ROBO2: variants seen among roughly 807,000 people sequenced by gnomAD.
ROBO2 encodes the protein roundabout homolog 2.
A neutral mutation model predicts 160.8 loss-of-function variants in ROBO2; 53 were observed. The ratio of observed to expected loss-of-function variants is 0.33; its 90% confidence interval spans 0.26 to 0.41. The LOEUF (loss-of-function observed/expected upper bound fraction) is 0.41. Among genes scored for constraint, ROBO2 ranks in the 10% least tolerant of loss-of-function variants. ROBO2 has a pLI of 1.00. For missense variants in ROBO2, 1,577 were observed against 1,722.4 expected (o/e 0.92, Z 1.49); for synonymous variants, 664 against 611.7 (o/e 1.09, Z -1.26).
chr3:76,944,410 A>G (rs1254192880), intron 2 of ROBO2, among the ~76,000 whole-genome samples: 3 of 152,108 alleles, frequency 2.0e-5, no homozygotes, highest in East Asian at 1.9e-4. Flanking sequence ...ATAAAACACA[A>G]TTTTCTTGGC....
intron 2 of ROBO2, among the ~76,000 whole-genome samples, chr3:77,295,200 A>G (rs1222244081): frequency 1.4e-5 from 2 of 147,560 alleles, no homozygotes; most frequent in Non-Finnish European, 3.0e-5. Flanking sequence ...ATAAAGTAAA[A>G]TTGACGATTA....
intron 2 of ROBO2, among the ~76,000 whole-genome samples, chr3:76,209,794 G>A (rs539017337): frequency 6.6e-6 from 1 of 152,226 alleles, no homozygotes; most frequent in Admixed American, 6.6e-5. Flanking sequence ...AATAAACATG[G>A]TCAACAATGA....
chr3:77,407,500 T>C (rs2076347104), intron 2 of ROBO2, among the ~76,000 whole-genome samples: 3 of 152,188 alleles, frequency 2.0e-5, no homozygotes, highest in Non-Finnish European at 4.4e-5. Context: ...ATTTGATCTT[T>C]TGGAGGAGTT....
chr3:76,309,394 G>T (rs1420367959), intron 2 of ROBO2, among the ~76,000 whole-genome samples: 8 of 152,118 alleles, frequency 5.3e-5, no homozygotes, highest in African/African-American at 1.9e-4. Context: ...TGAATACAGG[G>T]TGATTATTGT....
intron 2 of ROBO2, among the ~76,000 whole-genome samples, chr3:76,544,940 G>A (rs139639562): frequency 3.2e-4 from 49 of 151,984 alleles, no homozygotes; most frequent in Admixed American, 1.3e-3. Context: ...ACTCCTATAC[G>A]CAATTGCACA....
chr3:77,497,350 T>A (rs2086930130), intron 5 of ROBO2, among the ~76,000 whole-genome samples: 1 of 152,258 alleles, frequency 6.6e-6, no homozygotes, highest in Non-Finnish European at 1.5e-5. Flanking sequence ...TTATAGTTTA[T>A]AATGATTATG....
chr3:75,943,005 T>TA (rs2107098168), intron 2 of ROBO2, among the ~76,000 whole-genome samples: 1 of 18,404 alleles, frequency 5.4e-5, no homozygotes. Flanking sequence ...AGTGCTTCCT[T>TA]AAAAAATTAT....
In ROBO2 at chr3:76,185,936, A is replaced by ATTTTTT. The variant is rs11369944; in HGVS notation, c.109+248344_109+248349dup. On this transcript the variant is annotated intron_variant, in intron 2 of 26. Transcript: ENST00000487694. ...TCATTTCTCATTAAAGGAAACACAG[A>ATTTTTT]TTTTTTTTTTTTTTTGAGACAGGGT... 5.7e-4 allele frequency among the ~76,000 whole-genome samples: 82 copies of ATTTTTT among 143,752 alleles called. 2 individuals carry two copies. The highest frequency in any genetic ancestry group is 3.6e-3 in the Middle Eastern group (1 of 278). 94.3% of individuals were successfully genotyped at this position (143,752 alleles called of 152,430 possible). A position where few individuals can be genotyped will look rare whatever the true frequency, so the allele number is the denominator to read the frequency against.
At position 76,042,534 on chromosome 3, in the gene ROBO2, T is replaced by C. The variant is rs541333959; in HGVS notation, c.109+104932T>C. Reference sequence around the variant, plus strand: ...AAAATTTAGATTTGTTGCAATCTTATTTTTACCCTTGAGGGAAGAGAGACC... The same window carrying C: ...AAAATTTAGATTTGTTGCAATCTTACTTTTACCCTTGAGGGAAGAGAGACC... On this transcript the variant is annotated intron_variant, in intron 2 of 26. Transcript: ENST00000487694. Among the ~76,000 whole-genome samples the C allele has an allele frequency of 5.9e-5, 9 of 152,170 alleles. No individual in the cohort carries two copies. The South Asian group carries it at 1.2e-3, about 21-fold the overall frequency.
chr3:76,647,969 G>C (rs931979620), intron 2 of ROBO2, among the ~76,000 whole-genome samples: 1 of 152,102 alleles, frequency 6.6e-6, no homozygotes. Context: ...GTTACAGCAA[G>C]GCCAGCCATA....
chr3:77,429,517 T>C (rs564641659), intron 2 of ROBO2, among the ~76,000 whole-genome samples: 8 of 152,138 alleles, frequency 5.3e-5, no homozygotes, highest in African/African-American at 1.9e-4. Context: ...TCAGGCAGTA[T>C]AGAGAGCAAA....
At chr3:77,135,724 C>G (rs2076224869) in intron 2 of ROBO2, among the ~76,000 whole-genome samples, 1 of 152,282 alleles carries the variant, frequency 6.6e-6, no homozygotes, top group East Asian at 1.9e-4. Context: ...TATCTTAATA[C>G]ACCAATGTTG....
intron 5 of ROBO2, among the ~76,000 whole-genome samples, chr3:77,510,053 C>T (rs1036678746): frequency 2.0e-5 from 3 of 151,620 alleles, no homozygotes; most frequent in Non-Finnish European, 2.9e-5. Context: ...GTTGAGTGCT[C>T]GAGTATAGGA....
chr3:76,555,545 C>T (rs949678559), intron 2 of ROBO2, among the ~76,000 whole-genome samples: 2 of 151,930 alleles, frequency 1.3e-5, no homozygotes, highest in Non-Finnish European at 2.9e-5. Flanking sequence ...TGCTTAATGC[C>T]AATTGGAATA....
At chr3:77,175,246 T>G (rs1164902543) in intron 2 of ROBO2, among the ~76,000 whole-genome samples, 1 of 152,088 alleles carries the variant, frequency 6.6e-6, no homozygotes, top group Non-Finnish European at 1.5e-5. Flanking sequence ...TTCTTATTGC[T>G]TCTCCACATA....
chr3:76,226,414 A>C (rs1162655229), intron 2 of ROBO2, among the ~76,000 whole-genome samples: 1 of 152,052 alleles, frequency 6.6e-6, no homozygotes, highest in African/African-American at 2.4e-5. Context: ...GTGTGCCCTG[A>C]AGGGTGGTGA....
intron 2 of ROBO2, among the ~76,000 whole-genome samples, chr3:76,462,833 G>A (rs993957924): frequency 1.3e-5 from 2 of 152,166 alleles, no homozygotes; most frequent in African/African-American, 2.4e-5. Flanking sequence ...ATTTTCTTCT[G>A]AAGAAAGCCC....
chr3:77,646,261 T>G, exon 26 of ROBO2: 1 of 418,014 alleles, frequency 2.4e-6, no homozygotes, highest in African/African-American at 2.1e-5. Flanking sequence ...CTTAACTCTT[T>G]CTTGTCAGGA....
At chr3:77,062,225 C>T (rs1383775608) in intron 1 of ROBO2, among the ~76,000 whole-genome samples, 1 of 152,076 alleles carries the variant, frequency 6.6e-6, no homozygotes, top group Non-Finnish European at 1.5e-5. Context: ...AGCACAGGTT[C>T]CAAGATGGAG....
Sources: gnomAD v4.1 joint callset for allele counts (sites outside exome capture counted in the v4.1 genomes callset) on GRCh38, gnomAD v4.1.1 for gene constraint, MANE v1.5 for transcripts, NCBI Gene and HGNC (gene_info 2026-07-23, HGNC 2026-07-21) for gene names.